The following TMED3 variants were observed in gnomAD, a reference collection of about 807,000 sequenced individuals.
The protein encoded by TMED3 is transmembrane p24 trafficking protein 3.
Under a neutral mutation model 15.0 loss-of-function variants are expected in TMED3, and 9 were observed. The ratio of observed to expected loss-of-function variants is 0.60; its 90% CI spans 0.36 to 1.04. TMED3 has a LOEUF of 1.04. Ranked by LOEUF, TMED3 falls within the 50% of genes least tolerant of loss-of-function variation. The pLI is 0.01. For synonymous variants in TMED3, 117 were observed against 121.4 expected, an observed-to-expected ratio of 0.96 and a Z score of 0.24; for missense variants, 267 against 278.9, an observed-to-expected ratio of 0.96 and a Z score of 0.30.
intron 2 of TMED3, among the ~76,000 whole-genome samples, chr15:79,351,514 G>A (rs940008772): frequency 1.3e-5 from 2 of 152,018 alleles, no homozygotes; most frequent in Non-Finnish European, 2.9e-5. Flanking sequence ...AAAATAAAAC[G>A]GGAAAACTGA....
intron 2 of TMED3, among the ~76,000 whole-genome samples, chr15:79,400,171 C>T (rs1007641889): frequency 6.6e-6 from 1 of 152,220 alleles, no homozygotes; most frequent in Admixed American, 6.5e-5. Flanking sequence ...TTGCCTGCAC[C>T]ATTCTGCTGT....
intron 2 of TMED3, chr15:79,411,388 T>C (rs1364913967): frequency 2.8e-6 from 2 of 702,272 alleles, no homozygotes; most frequent in Non-Finnish European, 5.2e-6. Context: ...TTTATCTTTT[T>C]GAACAATGAA....
intron 2 of TMED3, among the ~76,000 whole-genome samples, chr15:79,381,807 T>G (rs1893541952): frequency 1.3e-5 from 2 of 152,340 alleles, no homozygotes; most frequent in African/African-American, 4.8e-5. Context: ...GACTGTTGAC[T>G]TAACAATGTC....
intron 2 of TMED3, among the ~76,000 whole-genome samples, chr15:79,380,612 G>GAGA: frequency 1.3e-5 from 2 of 149,312 alleles, no homozygotes; most frequent in African/African-American, 4.9e-5. Flanking sequence ...GAGAGAGAGA[G>GAGA]GGTATATTTT....
downstream of TMED3, chr15:79,322,956 GGT>G: frequency 4.2e-6 from 4 of 946,740 alleles, no homozygotes; most frequent in Non-Finnish European, 5.0e-6. Flanking sequence ...AGGTGCATGG[GGT>G]GCTGTGCAGA....
chr15:79,373,517 T>C (rs1893377103), intron 2 of TMED3, among the ~76,000 whole-genome samples: 1 of 152,178 alleles, frequency 6.6e-6, no homozygotes. Context: ...GAGGACAGAC[T>C]CAGCATACAA....
At chr15:79,369,156 T>C (rs887503818) in intron 2 of TMED3, among the ~76,000 whole-genome samples, 2 of 151,800 alleles carry the variant, frequency 1.3e-5, no homozygotes, top group Admixed American at 6.6e-5. Flanking sequence ...AGACATTCCC[T>C]ACAGGGCAAG....
chr15:79,397,028 G>T (rs148333569), intron 2 of TMED3, among the ~76,000 whole-genome samples: 1 of 152,298 alleles, frequency 6.6e-6, no homozygotes, highest in African/African-American at 2.4e-5. Flanking sequence ...GATGTAAGAG[G>T]CGGGAATGCA....
intron 2 of TMED3, among the ~76,000 whole-genome samples, chr15:79,408,104 T>C (rs1893925695): frequency 6.6e-6 from 1 of 152,222 alleles, no homozygotes; most frequent in Non-Finnish European, 1.5e-5. Context: ...GGAGGTATAA[T>C]TGTTCAGTCC....
intron 1 of TMED3, among the ~76,000 whole-genome samples, chr15:79,312,923 G>A (rs893500007): frequency 6.6e-6 from 1 of 152,172 alleles, no homozygotes; most frequent in Non-Finnish European, 1.5e-5. Flanking sequence ...ATGCTCTAGG[G>A]TGGCCCCCAA....
chr15:79,388,803 G>T (rs1355732651), intron 2 of TMED3, among the ~76,000 whole-genome samples: 1 of 152,102 alleles, frequency 6.6e-6, no homozygotes, highest in Non-Finnish European at 1.5e-5. Context: ...GAGTAAGGTG[G>T]TATCACATTG....
chr15:79,315,699 C>T lies in TMED3; in HGVS notation c.417+1694C>T, dbSNP rs7182047. On this transcript the variant is annotated intron_variant, in intron 2 of 2. Coordinates refer to ENST00000299705, the MANE Select transcript of TMED3 (RefSeq NM_007364.4). ...CTTATATCTTAGAACCTCTTCTTTGCTCCTGCTTAGCCTCAAAAGAGCCGT... is the reference window on the plus strand; with the variant it reads ...CTTATATCTTAGAACCTCTTCTTTGTTCCTGCTTAGCCTCAAAAGAGCCGT... Among the ~76,000 whole-genome samples, 1,468 of 152,284 alleles carry T rather than the reference C, an allele frequency of 9.6e-3. 19 individuals are homozygous for T. Among genetic ancestry groups the T allele is most frequent in the African/African-American group, 0.033 (1,371 of 41,544 alleles).
intron 2 of TMED3, among the ~76,000 whole-genome samples, chr15:79,396,882 G>A (rs1349022611): frequency 2.0e-5 from 3 of 151,832 alleles, no homozygotes; most frequent in East Asian, 3.9e-4. Flanking sequence ...GGATATGTTC[G>A]GTTAAATAAA....
intron 2 of TMED3, among the ~76,000 whole-genome samples, chr15:79,366,104 T>C (rs924925937): frequency 5.9e-5 from 9 of 152,212 alleles, no homozygotes; most frequent in Admixed American, 3.9e-4. Context: ...TCTGCCTTTC[T>C]TTATGACCCA....
In TMED3 at chr15:79,311,166, T is replaced by C; in HGVS notation, c.-84T>C. On this transcript the variant is annotated 5_prime_UTR_variant, in exon 1 of 3. Transcript: ENST00000299705. ...CCACGTCTATCCCCTTACATCCTCC[T>C]AGGACCCGGTCGGTAGTCGTCGCCC... 1 of 1,456,308 alleles carries C rather than the reference T, an allele frequency of 6.9e-7. No individual in the cohort carries two copies. The highest frequency in any genetic ancestry group is 1.3e-5 in the South Asian group (1 of 75,104). The allele number at this position is 1,456,308 out of a possible 1,614,324, so 90.2% of individuals were successfully genotyped here.
chr15:79,349,884 C>G (rs2058885425), intron 2 of TMED3, among the ~76,000 whole-genome samples: 1 of 152,198 alleles, frequency 6.6e-6, no homozygotes, highest in Non-Finnish European at 1.5e-5. Flanking sequence ...TGAAACTCAC[C>G]TTTCAGAAAG....
exon 3 of TMED3, chr15:79,411,662 C>A: frequency 1.7e-6 from 1 of 593,814 alleles, no homozygotes; most frequent in Non-Finnish European, 3.0e-6. Context: ...TGGCAAGGAA[C>A]AACCTGCTCT....
At chr15:79,358,533 G>C (rs1258684144) in intron 2 of TMED3, among the ~76,000 whole-genome samples, 1 of 152,108 alleles carries the variant, frequency 6.6e-6, no homozygotes, top group Non-Finnish European at 1.5e-5. Context: ...GGTGGAGTCT[G>C]TCTCTTGTGA....
chr15:79,340,155 C>G (rs1321780172), intron 2 of TMED3, among the ~76,000 whole-genome samples: 4 of 152,154 alleles, frequency 2.6e-5, no homozygotes, highest in Non-Finnish European at 5.9e-5. Flanking sequence ...ACTTGAATTT[C>G]ATCTTTTTGA....
Sources: allele counts gnomAD v4.1 joint callset (sites outside exome capture counted in the v4.1 genomes callset), GRCh38; gene constraint gnomAD v4.1.1; transcripts MANE v1.5; gene names NCBI Gene and HGNC (gene_info 2026-07-23, HGNC 2026-07-21).